The following CSMD1 variants were observed in gnomAD, a reference collection of about 807,000 sequenced individuals.
CSMD1 encodes the protein CUB and sushi domain-containing protein 1.
Under a neutral mutation model 417.5 loss-of-function variants are expected in CSMD1, and 213 were observed. That is an observed-to-expected ratio of 0.51 (90% CI 0.46 to 0.57). The LOEUF is 0.57. CSMD1 is among the 20% of genes least tolerant of loss of function. The probability of loss-of-function intolerance (pLI) is 0.00; values close to 1 mark genes in which losing one functional copy is unlikely to be tolerated. For synonymous variants in CSMD1, 2,862 were observed against 1,736.8 expected (o/e 1.65, Z -16.11); for missense variants, 6,923 against 4,529.7 (o/e 1.53, Z -15.17).
At chr8:3,735,635 T>C (rs1040884044) in intron 6 of CSMD1, among the ~76,000 whole-genome samples, 2 of 152,206 alleles carry the variant, frequency 1.3e-5, no homozygotes, top group East Asian at 3.9e-4. Context: ...TCTGAATCTC[T>C]TGGTGCCCTG....
chr8:3,728,778 C>G (rs990141969), intron 6 of CSMD1, among the ~76,000 whole-genome samples: 2 of 152,168 alleles, frequency 1.3e-5, no homozygotes, highest in Non-Finnish European at 2.9e-5. Flanking sequence ...TCTCAAATGT[C>G]AAATATGAGG....
intron 3 of CSMD1, among the ~76,000 whole-genome samples, chr8:4,135,147 C>A (rs1401592312): frequency 6.6e-6 from 1 of 152,098 alleles, no homozygotes; most frequent in Non-Finnish European, 1.5e-5. Flanking sequence ...TTGTCATATT[C>A]TGGTACAATC....
intron 3 of CSMD1, among the ~76,000 whole-genome samples, chr8:4,204,178 G>C (rs776876929): frequency 1.3e-5 from 2 of 152,026 alleles, no homozygotes; most frequent in Admixed American, 6.6e-5. Context: ...TGCCCATGTG[G>C]TGCTGTGTGC....
At chr8:4,536,960 G>T (rs1333022415) in intron 2 of CSMD1, among the ~76,000 whole-genome samples, 2 of 152,238 alleles carry the variant, frequency 1.3e-5, no homozygotes, top group African/African-American at 4.8e-5. Context: ...ATGAGAAATG[G>T]CATATCATGA....
At chr8:3,784,730 C>G (rs565519285) in intron 5 of CSMD1, among the ~76,000 whole-genome samples, 2 of 152,274 alleles carry the variant, frequency 1.3e-5, no homozygotes, top group East Asian at 1.9e-4. Flanking sequence ...CAAATGGTGG[C>G]AGACACCAAT....
chr8:4,381,719 C>G (rs531732493), intron 3 of CSMD1, among the ~76,000 whole-genome samples: 1 of 152,062 alleles, frequency 6.6e-6, no homozygotes, highest in African/African-American at 2.4e-5. Flanking sequence ...TTCACGCTGC[C>G]GTGGATGGAC....
chr8:3,481,804 C>G (rs1270246013), intron 11 of CSMD1, among the ~76,000 whole-genome samples: 2 of 152,130 alleles, frequency 1.3e-5, no homozygotes, highest in Non-Finnish European at 2.9e-5. Flanking sequence ...ATGAATTCTT[C>G]CCCAGGGCCT....
At chr8:4,147,687 C>G (rs1212213023) in intron 3 of CSMD1, among the ~76,000 whole-genome samples, 2 of 152,124 alleles carry the variant, frequency 1.3e-5, no homozygotes, top group Non-Finnish European at 2.9e-5. Context: ...TTTGAAATAT[C>G]TGACATCACC....
intron 6 of CSMD1, among the ~76,000 whole-genome samples, 179 bp from the exon 7 acceptor site, chr8:3,708,670 G>T (rs1008279466): frequency 6.6e-6 from 1 of 152,134 alleles, no homozygotes; most frequent in Non-Finnish European, 1.5e-5. Context: ...TAATTATTGT[G>T]AGGCTATCAA....
intron 1 of CSMD1, among the ~76,000 whole-genome samples, chr8:4,838,127 T>C (rs2116758799): frequency 6.6e-6 from 1 of 152,266 alleles, no homozygotes; most frequent in East Asian, 1.9e-4. Context: ...TAAAACTTTT[T>C]TTTAAAGCAA....
chr8:3,666,919 A>T (rs1224633539), intron 7 of CSMD1, among the ~76,000 whole-genome samples: 1 of 152,210 alleles, frequency 6.6e-6, no homozygotes, highest in Admixed American at 6.5e-5. Context: ...TATGGTGCAC[A>T]TGATTTACCA....
At chr8:4,599,345 G>A (rs952144727) in intron 2 of CSMD1, among the ~76,000 whole-genome samples, 2 of 151,954 alleles carry the variant, frequency 1.3e-5, no homozygotes, top group Non-Finnish European at 1.5e-5. Context: ...CCCCAGAATA[G>A]CATGGTCACC....
At chr8:4,577,349 T>A (rs958138880) in intron 2 of CSMD1, among the ~76,000 whole-genome samples, 4 of 152,182 alleles carry the variant, frequency 2.6e-5, no homozygotes, top group African/African-American at 9.7e-5. Flanking sequence ...TAGGAGAGCT[T>A]ATTTCAGAAT....
intron 50 of CSMD1, among the ~76,000 whole-genome samples, chr8:3,038,112 T>A (rs931967095): frequency 1.4e-5 from 2 of 145,954 alleles, no homozygotes; most frequent in Admixed American, 1.4e-4. Context: ...AATAACTAAC[T>A]ATAGCCATGT....
chr8:3,149,645 G>C (rs916615580), intron 40 of CSMD1, among the ~76,000 whole-genome samples: 24 of 152,062 alleles, frequency 1.6e-4, no homozygotes, highest in Non-Finnish European at 2.8e-4. Context: ...GCCCAGCTAA[G>C]TTTTGTATTT....
chr8:4,409,853 G>T (rs1232677571), intron 3 of CSMD1, among the ~76,000 whole-genome samples: 1 of 152,084 alleles, frequency 6.6e-6, no homozygotes, highest in East Asian at 1.9e-4. Context: ...TCACTCTGTT[G>T]CCCAGGCTGG....
At chr8:4,918,795 A>G (rs1285995073) in intron 1 of CSMD1, among the ~76,000 whole-genome samples, 2 of 152,226 alleles carry the variant, frequency 1.3e-5, no homozygotes, top group Non-Finnish European at 2.9e-5. Context: ...ATTTATATAT[A>G]AACACACTTG....
intron 1 of CSMD1, among the ~76,000 whole-genome samples, chr8:4,920,907 A>AG (rs1806413677): frequency 1.8e-5 from 1 of 56,546 alleles, no homozygotes; most frequent in Non-Finnish European, 4.6e-5. Flanking sequence ...AAAAGAAAAG[A>AG]AAAGAAAAGA....
At chr8:3,053,064 G>A (rs983624673) in intron 49 of CSMD1, among the ~76,000 whole-genome samples, 5 of 152,202 alleles carry the variant, frequency 3.3e-5, no homozygotes, top group African/African-American at 1.2e-4. Context: ...TTACAGGCGT[G>A]AGCCACCATG....
Sources: gnomAD v4.1 joint callset for allele counts (sites outside exome capture counted in the v4.1 genomes callset) on GRCh38, gnomAD v4.1.1 for gene constraint, MANE v1.5 for transcripts, NCBI Gene and HGNC (gene_info 2026-07-23, HGNC 2026-07-21) for gene names.